The following FRMPD4 variants were observed in gnomAD, a reference collection of about 807,000 sequenced individuals.
FRMPD4 encodes FERM and PDZ domain-containing protein 4.
In FRMPD4, 22 loss-of-function variants were observed where a neutral mutation model predicts 94.1. The ratio of observed to expected loss-of-function variants is 0.23; its 90% CI spans 0.17 to 0.33. The LOEUF is 0.33. FRMPD4 is among the 10% of genes least tolerant of loss of function. The pLI is 1.00. For missense variants in FRMPD4, 1,111 were observed against 1,339.9 expected, an observed-to-expected ratio of 0.83 and a Z score of 2.67; for synonymous variants, 631 against 548.6, an observed-to-expected ratio of 1.15 and a Z score of -2.10.
intron 1 of FRMPD4, among the ~76,000 whole-genome samples, chrX:12,419,366 A>C (rs891820070): frequency 8.9e-6 from 1 of 112,563 alleles, no homozygotes; most frequent in Non-Finnish European, 1.9e-5. Context: ...TCTATCTGCA[A>C]AATTGTAAAA....
chrX:12,454,093 T>A (rs777699220), intron 1 of FRMPD4, among the ~76,000 whole-genome samples: 14 of 112,499 alleles, frequency 1.2e-4, no homozygotes, highest in African/African-American at 4.5e-4. Context: ...ATCTTTATTA[T>A]GACTTCTTAG....
In FRMPD4 at chrX:11,927,091, C is replaced by T. The variant is rs774261926; in HGVS notation, c.95+49073C>T. ...TCAATGTGCCAAAATCACTAGCATT[C>T]CTATATACCAACAACAGTCAAGCCA... On this transcript the variant is annotated intron_variant, in intron 3 of 18. Coordinates refer to the FRMPD4 transcript ENST00000640291. Among the ~76,000 whole-genome samples, 546 of 110,557 alleles carry T rather than the reference C, an allele frequency of 4.9e-3. 1 individual carries two copies. The highest frequency in any genetic ancestry group is 8.2e-3 in the Non-Finnish European group (433 of 52,855).
chrX:12,162,376 A>G (rs1266487402), intron 1 of FRMPD4, among the ~76,000 whole-genome samples: 3 of 112,440 alleles, frequency 2.7e-5, no homozygotes, highest in African/African-American at 9.7e-5. Context: ...AGAATAAAGT[A>G]AAGAGCCTTA....
chrX:11,875,937 G>A (rs937708810), intron 2 of FRMPD4, among the ~76,000 whole-genome samples: 3 of 97,395 alleles, frequency 3.1e-5, no homozygotes, highest in South Asian at 5.5e-4. Flanking sequence ...GTGCAGTGGC[G>A]CGATCTCGGC....
chrX:12,035,538 A>G (rs1404182774), intron 3 of FRMPD4, among the ~76,000 whole-genome samples: 1 of 112,236 alleles, frequency 8.9e-6, no homozygotes, highest in Admixed American at 9.5e-5. Flanking sequence ...CTCAAGCTGT[A>G]TTTCAAGGTT....
At chrX:12,375,920 G>T (rs751297645) in intron 1 of FRMPD4, among the ~76,000 whole-genome samples, 1 of 112,307 alleles carries the variant, frequency 8.9e-6, no homozygotes, top group East Asian at 2.8e-4. Context: ...TTTCTGATGG[G>T]TCTGAAATCC....
chrX:12,426,168 C>T (rs2056943021), intron 1 of FRMPD4, among the ~76,000 whole-genome samples: 1 of 112,213 alleles, frequency 8.9e-6, no homozygotes. Context: ...GGATTGATCC[C>T]TCTTTCTGGA....
At chrX:12,233,663 G>A (rs1000328519) in intron 1 of FRMPD4, among the ~76,000 whole-genome samples, 1 of 111,689 alleles carries the variant, frequency 9.0e-6, no homozygotes, top group Non-Finnish European at 1.9e-5. Context: ...GTGTGCAGTG[G>A]GTAGGAAGTC....
At chrX:12,044,766 A>G (rs2054776326) in intron 3 of FRMPD4, among the ~76,000 whole-genome samples, 3 of 112,380 alleles carry the variant, frequency 2.7e-5, no homozygotes. Flanking sequence ...ATAGAAAGTT[A>G]TGATCTCATG....
intron 13 of FRMPD4, among the ~76,000 whole-genome samples, chrX:12,710,161 C>CAT (rs746215392): frequency 8.2e-5 from 9 of 109,919 alleles, no homozygotes; most frequent in South Asian, 4.0e-4. Context: ...GATAGACAGA[C>CAT]ATATATATAT....
intron 3 of FRMPD4, among the ~76,000 whole-genome samples, chrX:12,125,781 A>G (rs1194843323): frequency 8.9e-6 from 1 of 112,367 alleles, no homozygotes; most frequent in East Asian, 2.8e-4. Context: ...TGTTAGCTTT[A>G]GCAAACGCAA....
intron 10 of FRMPD4, among the ~76,000 whole-genome samples, 185 bp from the exon 11 acceptor site, chrX:12,704,172 CAT>C (rs1285535019): frequency 5.3e-5 from 6 of 112,503 alleles, no homozygotes; most frequent in South Asian, 3.7e-4. Context: ...TAAATGCAAA[CAT>C]GTGTATTAAT....
intron 1 of FRMPD4, among the ~76,000 whole-genome samples, chrX:11,862,812 T>A (rs1209510622): frequency 9.0e-6 from 1 of 110,960 alleles, no homozygotes; most frequent in Non-Finnish European, 1.9e-5. Flanking sequence ...CGTATTTTTC[T>A]TTACACAGGC....
chrX:12,023,079 G>T (rs2054640319), intron 3 of FRMPD4, among the ~76,000 whole-genome samples: 1 of 111,554 alleles, frequency 9.0e-6, no homozygotes, highest in South Asian at 3.8e-4. Context: ...ATGTCATAAA[G>T]TTGGAGCCCT....
chrX:11,932,461 A>G (rs2054127345), intron 3 of FRMPD4, among the ~76,000 whole-genome samples: 1 of 111,296 alleles, frequency 9.0e-6, no homozygotes, highest in Admixed American at 9.7e-5. Flanking sequence ...TATAAAGTAA[A>G]TACTACTAGT....
At chrX:12,572,792 A>G (rs1236089981) in intron 2 of FRMPD4, among the ~76,000 whole-genome samples, 1 of 112,375 alleles carries the variant, frequency 8.9e-6, no homozygotes, top group Non-Finnish European at 1.9e-5. Context: ...GAGCCAGGTA[A>G]TTGAAGCTTA....
intron 3 of FRMPD4, among the ~76,000 whole-genome samples, chrX:11,974,017 G>A (rs912694530): frequency 6.3e-5 from 7 of 111,953 alleles, no homozygotes; most frequent in African/African-American, 1.6e-4. Flanking sequence ...TTGACCTAGC[G>A]ATCTGGAGTG....
At chrX:12,335,670 C>T (rs1484582941) in intron 1 of FRMPD4, among the ~76,000 whole-genome samples, 2 of 111,102 alleles carry the variant, frequency 1.8e-5, no homozygotes, top group Admixed American at 1.9e-4. Flanking sequence ...CTGTTTCCAC[C>T]AGGAGACTGA....
intron 3 of FRMPD4, among the ~76,000 whole-genome samples, chrX:12,009,343 T>A (rs965352016): frequency 2.7e-5 from 3 of 112,595 alleles, no homozygotes; most frequent in African/African-American, 9.7e-5. Flanking sequence ...GTTATTTTTT[T>A]AAAATTCCTA....
Sources: gnomAD v4.1 joint callset for allele counts (sites outside exome capture counted in the v4.1 genomes callset) on GRCh38, gnomAD v4.1.1 for gene constraint, MANE v1.5 for transcripts, NCBI Gene and HGNC (gene_info 2026-07-23, HGNC 2026-07-21) for gene names.